Variants in CRY1 observed in about 807,000 individuals in gnomAD.
The protein encoded by CRY1 is cryptochrome-1.
CRY1 carries 45 observed loss-of-function variants against 76.0 expected under a neutral mutation model. That is an observed-to-expected ratio of 0.59 (90% confidence interval 0.47 to 0.76). The LOEUF (loss-of-function observed/expected upper bound fraction) is 0.76, where lower values mean the gene tolerates loss of function less well. Among genes scored for constraint, CRY1 ranks in the 30% least tolerant of loss-of-function variants. The probability of loss-of-function intolerance (pLI) is 0.00; values close to 1 mark genes in which losing one functional copy is unlikely to be tolerated. For missense variants in CRY1, 587 were observed against 716.4 expected (o/e 0.82, Z 2.06); for synonymous variants, 248 against 244.0 (o/e 1.02, Z -0.15).
chr12:106,997,896 G>T lies in CRY1; in HGVS notation c.1289+19C>A. The T allele has an allele frequency of 1.2e-6, 2 of 1,610,562 alleles. No individual in the cohort carries two copies. Among genetic ancestry groups the T allele is most frequent in the Non-Finnish European group, 1.7e-6 (2 of 1,178,750 alleles). ...TGAATTAACTATTCCAAACTGAGTA[G>T]TAATCACCCTTGATTTACCTGATAT... On this transcript the variant is annotated intron_variant, in intron 8 of 12. Transcript: ENST00000008527.
intron 1 of CRY1, among the ~76,000 whole-genome samples, chr12:107,022,948 G>C (rs577696655): frequency 3.1e-4 from 47 of 152,126 alleles, no homozygotes; most frequent in African/African-American, 1.1e-3. Flanking sequence ...AGATATCTAG[G>C]AAAATTCTGG....
At chr12:107,044,853 G>GA (rs1268825314) in intron 1 of CRY1, among the ~76,000 whole-genome samples, 1 of 152,054 alleles carries the variant, frequency 6.6e-6, no homozygotes, top group Admixed American at 6.6e-5. Flanking sequence ...GAATGAAAAA[G>GA]AACGAAGAAA....
chr12:107,009,241 G>A (rs1280639984), intron 2 of CRY1, among the ~76,000 whole-genome samples: 1 of 151,910 alleles, frequency 6.6e-6, no homozygotes, highest in East Asian at 1.9e-4. Flanking sequence ...TCCTGAAGTA[G>A]CAGTATTTTA....
rs370438876 is a variant in CRY1 at position 107,035,044 on chromosome 12, A to T, written c.159-12852T>A. On this transcript the variant is annotated intron_variant, in intron 1 of 12. Coordinates refer to ENST00000008527, the MANE Select transcript of CRY1 (RefSeq NM_004075.5). ...AAGATATACTTCTAGGATTTAAAGG[A>T]TCTACATACAACTAAAATAACATCT... Among the ~76,000 whole-genome samples the T allele has an allele frequency of 2.1e-4, 32 of 152,324 alleles. No homozygotes were observed. In the South Asian group the frequency reaches 3.9e-3, roughly 19 times the overall value.
rs1265030054 is a variant in CRY1, at chr12:107,026,338, T to C, written c.159-4146A>G. 6.0e-5 allele frequency among the ~76,000 whole-genome samples: 9 copies of C among 150,786 alleles called. No homozygotes were observed. In the Admixed American group the frequency reaches 6.0e-4, roughly 10 times the overall value. On this transcript the variant is annotated intron_variant, in intron 1 of 12. Coordinates refer to ENST00000008527, the MANE Select transcript of CRY1 (RefSeq NM_004075.5). The stretch of plus-strand genomic sequence containing the variant: ...CCTCCACCTCCCAGGTTCAGGCAAT[T>C]CTTGCGCCTCAGCCTCCCAAGCAGC...
intron 1 of CRY1, among the ~76,000 whole-genome samples, chr12:107,055,282 TA>T (rs1952970218): frequency 6.6e-6 from 1 of 151,972 alleles, no homozygotes. Flanking sequence ...ATATTATAAG[TA>T]ACAAAGGATA....
chr12:107,006,656 T>TTC (rs1952378205), intron 2 of CRY1, among the ~76,000 whole-genome samples: 1 of 151,190 alleles, frequency 6.6e-6, no homozygotes, highest in East Asian at 1.9e-4. Context: ...TTTTTTTTTT[T>TTC]AGATGACATC....
chr12:107,001,562 T>A (rs1187000091), intron 4 of CRY1, among the ~76,000 whole-genome samples, 194 bp from the exon 5 acceptor site: 1 of 152,168 alleles, frequency 6.6e-6, no homozygotes, highest in African/African-American at 2.4e-5. Flanking sequence ...CTTAAGGTGG[T>A]AACAATAGAT....
At chr12:107,061,204 TTAA>T (rs761652991) in intron 1 of CRY1, among the ~76,000 whole-genome samples, 8 of 152,192 alleles carry the variant, frequency 5.3e-5, no homozygotes, top group African/African-American at 1.4e-4. Flanking sequence ...CATATTTTAA[TTAA>T]TAATAACAAT....
chr12:107,045,414 C>T (rs1392951755), intron 1 of CRY1, among the ~76,000 whole-genome samples: 1 of 152,136 alleles, frequency 6.6e-6, no homozygotes, highest in Non-Finnish European at 1.5e-5. Flanking sequence ...AATCCCAGCA[C>T]TTTGGGAGGC....
intron 1 of CRY1, among the ~76,000 whole-genome samples, chr12:107,084,245 G>A (rs1370905996): frequency 1.3e-5 from 2 of 152,096 alleles, no homozygotes; most frequent in Non-Finnish European, 2.9e-5. Context: ...CATGAAAATG[G>A]CCATACTGCC....
At chr12:107,073,753 C>T (rs1335595438) in intron 1 of CRY1, among the ~76,000 whole-genome samples, 1 of 151,998 alleles carries the variant, frequency 6.6e-6, no homozygotes, top group Non-Finnish European at 1.5e-5. Context: ...AAAAGACTGC[C>T]ATTCCTTTTG....
At chr12:107,064,166 T>C (rs1230180244) in intron 1 of CRY1, among the ~76,000 whole-genome samples, 2 of 152,124 alleles carry the variant, frequency 1.3e-5, no homozygotes, top group Admixed American at 6.6e-5. Context: ...ATTCTGTCAT[T>C]TGTGATGTGA....
chr12:106,992,154 A>G (rs911968978), intron 12 of CRY1, 153 bp from the exon 13 acceptor site: 1 of 152,168 alleles, frequency 6.6e-6, no homozygotes, highest in Admixed American at 6.6e-5. Context: ...AAATGTAAAC[A>G]GTGTTAGAAA....
chr12:107,050,751 G>GT (rs1462353389), intron 1 of CRY1, among the ~76,000 whole-genome samples: 1 of 152,220 alleles, frequency 6.6e-6, no homozygotes, highest in African/African-American at 2.4e-5. Flanking sequence ...ACAGACCTTT[G>GT]TAAGATGGAT....
chr12:107,057,715 A>G (rs1006945284), intron 1 of CRY1, among the ~76,000 whole-genome samples: 6 of 152,058 alleles, frequency 3.9e-5, no homozygotes, highest in Admixed American at 6.6e-5. Flanking sequence ...TGGGTGACAG[A>G]GCAAGACCCT....
At chr12:107,074,493 C>CT (rs1480015308) in intron 1 of CRY1, among the ~76,000 whole-genome samples, 3 of 151,874 alleles carry the variant, frequency 2.0e-5, no homozygotes, top group Non-Finnish European at 4.4e-5. Flanking sequence ...ATAGAATTCT[C>CT]TTTTTTTTAA....
At chr12:107,010,074 T>A (rs182762473) in intron 2 of CRY1, among the ~76,000 whole-genome samples, 117 of 152,288 alleles carry the variant, frequency 7.7e-4, no homozygotes, top group African/African-American at 2.7e-3. Context: ...GATATAGGGC[T>A]ATTCAGGTTT....
chr12:107,049,465 C>T (rs562495199), intron 1 of CRY1, among the ~76,000 whole-genome samples: 49 of 152,244 alleles, frequency 3.2e-4, no homozygotes, highest in African/African-American at 9.2e-4. Flanking sequence ...GCCTCCGCCT[C>T]CTGGGGTCAA....
Sources: gnomAD v4.1 joint callset for allele counts (sites outside exome capture counted in the v4.1 genomes callset) on GRCh38, gnomAD v4.1.1 for gene constraint, MANE v1.5 for transcripts, NCBI Gene and HGNC (gene_info 2026-07-23, HGNC 2026-07-21) for gene names.